NCOR1: variants seen among roughly 807,000 people sequenced by gnomAD.
NCOR1 encodes nuclear receptor corepressor 1.
Under a neutral mutation model 288.1 loss-of-function variants are expected in NCOR1, and 63 were observed. That is an observed-to-expected ratio of 0.22 (90% CI 0.18 to 0.27). The LOEUF (loss-of-function observed/expected upper bound fraction) is 0.27. Among genes scored for constraint, NCOR1 ranks in the 10% least tolerant of loss-of-function variants. The pLI, the probability that NCOR1 is intolerant of heterozygous loss-of-function variation, is 1.00. For missense variants in NCOR1, 2,397 were observed against 3,019.2 expected (o/e 0.79, Z 4.83); for synonymous variants, 1,007 against 1,065.9 (o/e 0.94, Z 1.08).
intron 18 of NCOR1, among the ~76,000 whole-genome samples, chr17:16,109,936 C>G (rs1361450600): frequency 2.0e-5 from 3 of 152,106 alleles, no homozygotes; most frequent in Non-Finnish European, 1.5e-5. Context: ...GTTTCACCAT[C>G]TTGGCCAGGC....
At chr17:16,194,690 G>C (rs1223284925) in intron 1 of NCOR1, 51 bp from the exon 2 acceptor site, 56 of 536,786 alleles carry the variant, frequency 1.0e-4, no homozygotes, top group Non-Finnish European at 1.8e-4. Flanking sequence ...AACACCAAGT[G>C]TACTTCTAAT....
chr17:16,124,642 CAAT>C (rs2073675086), intron 15 of NCOR1, among the ~76,000 whole-genome samples: 1 of 152,192 alleles, frequency 6.6e-6, no homozygotes, highest in Non-Finnish European at 1.5e-5. Flanking sequence ...AAAGCATCAA[CAAT>C]AACTCCCTGA....
intron 17 of NCOR1, among the ~76,000 whole-genome samples, chr17:16,118,633 T>A (rs992149471): frequency 1.3e-5 from 2 of 152,328 alleles, no homozygotes; most frequent in South Asian, 4.1e-4. Context: ...TATGTATCTA[T>A]GCATTTGTAT....
intron 9 of NCOR1, among the ~76,000 whole-genome samples, chr17:16,148,404 G>A (rs928949994): frequency 1.3e-5 from 2 of 152,082 alleles, no homozygotes; most frequent in African/African-American, 4.8e-5. Flanking sequence ...TACTAGGACT[G>A]ACCTGTCTGA....
chr17:16,152,260 T>A (rs2153383031), intron 7 of NCOR1, among the ~76,000 whole-genome samples: 1 of 152,240 alleles, frequency 6.6e-6, no homozygotes, highest in South Asian at 2.1e-4. Flanking sequence ...ACCAATTAAC[T>A]CATCACTTAC....
intron 19 of NCOR1, among the ~76,000 whole-genome samples, chr17:16,107,107 G>A (rs1171416639): frequency 6.6e-6 from 1 of 151,562 alleles, no homozygotes; most frequent in East Asian, 2.0e-4. Context: ...GTGTTAGCCA[G>A]GATGGTCTCA....
At chr17:16,175,710 ACT>A (rs1240664751) in intron 3 of NCOR1, among the ~76,000 whole-genome samples, 1 of 151,880 alleles carries the variant, frequency 6.6e-6, no homozygotes, top group Non-Finnish European at 1.5e-5. Flanking sequence ...CAATATAGCA[ACT>A]CTGTCTCTAC....
intron 16 of NCOR1, among the ~76,000 whole-genome samples, chr17:16,119,765 A>C (rs889785002): frequency 3.3e-5 from 5 of 152,114 alleles, no homozygotes; most frequent in Non-Finnish European, 5.9e-5. Context: ...TACCTCACCC[A>C]GTAGCTTCCC....
At chr17:16,131,480 T>C (rs2075628653) in intron 14 of NCOR1, among the ~76,000 whole-genome samples, 1 of 152,170 alleles carries the variant, frequency 6.6e-6, no homozygotes, top group South Asian at 2.1e-4. Flanking sequence ...TTGTTTTAAA[T>C]GTTCACCTTT....
In NCOR1 at chr17:16,156,380, G is replaced by A. The variant is rs150004084; in HGVS notation, c.732+2380C>T. Among the ~76,000 whole-genome samples, 14 of 151,236 alleles carry A rather than the reference G, an allele frequency of 9.3e-5. No homozygotes were observed. The East Asian group carries it at 2.7e-3, about 30-fold the overall frequency. On this transcript the variant is annotated intron_variant, in intron 6 of 45. Coordinates refer to ENST00000268712, the MANE Select transcript of NCOR1 (RefSeq NM_006311.4). ...GAACCTGGGAGGTGGAGGTTGCAGT[G>A]AGCTGAGATTGCGCCACAGCACTCC...
At chr17:16,104,232 T>C (rs1016348206) in intron 19 of NCOR1, among the ~76,000 whole-genome samples, 1 of 151,360 alleles carries the variant, frequency 6.6e-6, no homozygotes, top group Non-Finnish European at 1.5e-5. Context: ...CTGGCTGGAT[T>C]ATAAAGTACA....
At chr17:16,201,783 A>G (rs542759378) in intron 1 of NCOR1, among the ~76,000 whole-genome samples, 137 of 151,952 alleles carry the variant, frequency 9.0e-4, no homozygotes, top group Non-Finnish European at 1.7e-3. Flanking sequence ...CACTCAACTT[A>G]TAAGAACAAA....
intron 1 of NCOR1, among the ~76,000 whole-genome samples, chr17:16,206,273 T>TGTGC (rs1254488828): frequency 4.6e-5 from 7 of 151,066 alleles, no homozygotes; most frequent in Admixed American, 2.0e-4. Flanking sequence ...TGCATATACA[T>TGTGC]ATGTACATGT....
chr17:16,147,507 G>C (rs1256587183), intron 9 of NCOR1, among the ~76,000 whole-genome samples: 1 of 152,180 alleles, frequency 6.6e-6, no homozygotes, highest in Non-Finnish European at 1.5e-5. Context: ...GAGAAGAAAA[G>C]ACAGACGAAC....
intron 17 of NCOR1, 134 bp from the exon 18 acceptor site, chr17:16,118,161 T>C: frequency 6.0e-6 from 5 of 828,140 alleles, no homozygotes; most frequent in South Asian, 2.1e-5. Context: ...ACTTATCATA[T>C]ATACTTTGAT....
rs1173929208 is a variant in NCOR1, at chr17:16,072,357, T to C, written c.3812-129A>G. The C allele has an allele frequency of 1.5e-5, 9 of 614,372 alleles. No homozygotes were observed. The Admixed American group carries it at 2.9e-4, about 20-fold the overall frequency. 38.1% of individuals were successfully genotyped at this position (614,372 alleles called of 1,614,324 possible). A position where few individuals can be genotyped will look rare whatever the true frequency, so the allele number is the denominator to read the frequency against. On this transcript the variant is annotated intron_variant, in intron 28 of 45. Transcript: ENST00000268712. The stretch of plus-strand genomic sequence containing the variant: ...TGAAGGAAGGAATGTCAATTTAAGT[T>C]TGTGAACTATCCAGAAGTACCTAAT...
intron 21 of NCOR1, among the ~76,000 whole-genome samples, chr17:16,092,671 ATATATATATATATATATATATATATTTTT>A (rs1429416027): frequency 7.0e-4 from 11 of 15,680 alleles, no homozygotes; most frequent in South Asian, 3.5e-3. Context: ...ATATATATAT[ATATATATATATATATATATATATATTTTT>A]TTTTTTTTTT....
intron 2 of NCOR1, among the ~76,000 whole-genome samples, chr17:16,187,241 T>A (rs1052764986): frequency 6.6e-6 from 1 of 151,372 alleles, no homozygotes; most frequent in African/African-American, 2.4e-5. Flanking sequence ...CAAACAAATC[T>A]ATTGTGCTAA....
chr17:16,029,493 T>A lies in NCOR1; in HGVS notation c.*2803A>T. ...ATTAAAAGCATTATGAAATTTGCAGTCATAAACATGCAGTGGAAAACTGGC... is the reference window on the plus strand; with the variant it reads ...ATTAAAAGCATTATGAAATTTGCAGACATAAACATGCAGTGGAAAACTGGC... On this transcript the variant is annotated 3_prime_UTR_variant, in exon 46 of 46. Coordinates refer to ENST00000268712, the MANE Select transcript of NCOR1 (RefSeq NM_006311.4). 3.7e-6 allele frequency: 1 copy of A among 271,870 alleles called. No individual in the cohort carries two copies. Among genetic ancestry groups the A allele is most frequent in the Non-Finnish European group, 7.3e-6 (1 of 137,740 alleles). The allele number at this position is 271,870 out of a possible 1,614,324, so 16.8% of individuals were successfully genotyped here.
Sources: allele counts gnomAD v4.1 joint callset (sites outside exome capture counted in the v4.1 genomes callset), GRCh38; gene constraint gnomAD v4.1.1; transcripts MANE v1.5; gene names NCBI Gene and HGNC (gene_info 2026-07-23, HGNC 2026-07-21).